STING1: variants seen among roughly 807,000 people sequenced by gnomAD.
STING1 encodes stimulator of interferon response cGAMP interactor 1.
A neutral mutation model predicts 31.6 loss-of-function variants in STING1; 19 were observed. That is an observed-to-expected ratio of 0.60 (90% CI 0.42 to 0.88). The LOEUF is 0.88. STING1 is among the 40% of genes least tolerant of loss of function. STING1 has a pLI of 0.00. For missense variants in STING1, 371 were observed against 483.7 expected (o/e 0.77, Z 2.19); for synonymous variants, 200 against 208.6 (o/e 0.96, Z 0.35).
At chr5:139,477,840 A>C (rs1267798706) in intron 6 of STING1, among the ~76,000 whole-genome samples, 1 of 152,046 alleles carries the variant, frequency 6.6e-6, no homozygotes, top group Non-Finnish European at 1.5e-5. Flanking sequence ...TCTGGGTTCA[A>C]CTCTGGTCTG....
Position 139,478,492 on chromosome 5 carries a change from A to C in STING1, c.537T>G (p.Ile179Met). ...TGTTGTAATGCTGATTGTAAGTTCGAATCCGGGCCTGGAGCTCTGAGGCAG... is the reference window on the plus strand; with the variant it reads ...TGTTGTAATGCTGATTGTAAGTTCGCATCCGGGCCTGGAGCTCTGAGGCAG... ...RLILPELQAR[I>M]RTYNQHYNNL... Residue 179 changes from isoleucine (I) to methionine (M), a missense_variant, in exon 6 of 8, where the codon ATT becomes ATG. Coordinates refer to ENST00000330794, the MANE Select transcript of STING1 (RefSeq NM_198282.4). The C allele has an allele frequency of 6.2e-7, 1 of 1,614,032 alleles. No homozygotes were observed. Among genetic ancestry groups the C allele is most frequent in the Non-Finnish European group, 8.5e-7 (1 of 1,179,984 alleles).
chr5:139,477,672 T>C (rs1053911594), intron 6 of STING1, among the ~76,000 whole-genome samples, 157 bp from the exon 7 acceptor site: 1 of 151,902 alleles, frequency 6.6e-6, no homozygotes, highest in Non-Finnish European at 1.5e-5. Context: ...CCTAATGGGG[T>C]CTATGCTGTC....
At chr5:139,479,552 A>G (rs1751772920) in intron 5 of STING1, among the ~76,000 whole-genome samples, 1 of 151,108 alleles carries the variant, frequency 6.6e-6, no homozygotes. Context: ...AAATACAAAA[A>G]TTAGCCGGGC....
In STING1 at chr5:139,476,375, A is replaced by AGTAACCTCTTCCTTTTCCTCCTGCCGCAG. The variant is rs1751659956; in HGVS notation, c.997_1025dup (p.Val343CysfsTer14). ...CCGCTGAGGTCTTCAAGCTGCCCAC[A>AGTAACCTCTTCCTTTTCCTCCTGCCGCAG]GTAACCTCTTCCTTTTCCTCCTGCC... On this transcript the variant is annotated frameshift_variant, in exon 8 of 8. Transcript: ENST00000330794. LOFTEE classifies it low-confidence loss of function (END_TRUNC). The AGTAACCTCTTCCTTTTCCTCCTGCCGCAG allele has an allele frequency of 3.1e-6, 5 of 1,612,658 alleles. No individual in the cohort carries two copies. Among genetic ancestry groups the AGTAACCTCTTCCTTTTCCTCCTGCCGCAG allele is most frequent in the Non-Finnish European group, 4.2e-6 (5 of 1,180,020 alleles).
intron 6 of STING1, 80 bp from the exon 7 acceptor site, chr5:139,477,595 C>A: frequency 1.4e-6 from 2 of 1,433,202 alleles, no homozygotes; most frequent in South Asian, 1.3e-5. Context: ...AGGCTCTGGC[C>A]CCCAGTGCCA....
intron 7 of STING1, among the ~76,000 whole-genome samples, chr5:139,476,774 G>A (rs977215697): frequency 6.6e-6 from 1 of 151,866 alleles, no homozygotes; most frequent in African/African-American, 2.4e-5. Flanking sequence ...GCATGGTGGC[G>A]GGCGCCTGTA....
Position 139,481,549 on chromosome 5 carries a change from G to A in STING1, c.156C>T (p.Ala52=). ...TTAACAGCAGTCCCAGCTGCAGGGA[G>A]GCTAGGTGGAGCACCAGGTACCGGA... ...HTLRYLVLHL[A]SLQLGLLLNG... is the part of the protein sequence containing the mutation. Residue 52 remains alanine (A), a synonymous_variant, in exon 3 of 8, where the codon GCC becomes GCT. Transcript: ENST00000330794. This position sits in a 1 kb window ranked among gnomAD's most constrained non-coding sequence, Gnocchi z 4.1. 1 of 1,613,972 alleles carries A rather than the reference G, an allele frequency of 6.2e-7. No homozygotes were observed. The highest frequency in any genetic ancestry group is 8.5e-7 in the Non-Finnish European group (1 of 1,179,992).
chr5:139,476,252 C>T lies in STING1; in HGVS notation c.*9G>A, dbSNP rs1390647611. The T allele has an allele frequency of 1.3e-6, 2 of 1,564,424 alleles. No homozygotes were observed. Among genetic ancestry groups the T allele is most frequent in the Non-Finnish European group, 1.7e-6 (2 of 1,155,060 alleles). On this transcript the variant is annotated 3_prime_UTR_variant, in exon 8 of 8. Transcript: ENST00000330794. ...ACCACTGGAGGCTCTGGCCTGGTGACCCTGGGTCTCAAGAGAAATCCGTGC... is the reference window on the plus strand; with the variant it reads ...ACCACTGGAGGCTCTGGCCTGGTGATCCTGGGTCTCAAGAGAAATCCGTGC...
rs1581450494 is a variant in STING1 at position 139,478,427 on chromosome 5, A to G, written c.602T>C (p.Leu201Pro). ...RGAVSQRLYI[L>P]LPLDCGVPDN... Reference sequence around the variant, plus strand: ...AGGCACCCCACAGTCCAATGGGAGGAGAATATACAGCCGCTGGCTCACTGC... The same window carrying G: ...AGGCACCCCACAGTCCAATGGGAGGGGAATATACAGCCGCTGGCTCACTGC... The change falls in exon 6 of 8, where the codon CTC becomes CCC. Residue 201 changes from leucine to proline, a missense_variant. Coordinates refer to ENST00000330794, the MANE Select transcript of STING1 (RefSeq NM_198282.4). 2 of 1,614,134 alleles carry G rather than the reference A, an allele frequency of 1.2e-6. No individual in the cohort carries two copies. Among genetic ancestry groups the G allele is most frequent in the Non-Finnish European group, 1.7e-6 (2 of 1,180,020 alleles).
rs570299729 is a variant in STING1 at position 139,481,815 on chromosome 5, C to T, written c.1-111G>A. 1.1e-6 allele frequency: 1 copy of T among 890,022 alleles called. No individual in the cohort carries two copies. Among genetic ancestry groups the T allele is most frequent in the South Asian group, 1.7e-5 (1 of 58,712 alleles). The allele number at this position is 890,022 out of a possible 1,614,324, so 55.1% of individuals were successfully genotyped here. On this transcript the variant is annotated intron_variant, in intron 2 of 7. Coordinates refer to ENST00000330794, the MANE Select transcript of STING1 (RefSeq NM_198282.4). This position sits in a 1 kb window ranked among gnomAD's most constrained non-coding sequence, Gnocchi z 4.1. ...AGTTCCCCTTTCCCTGGTGCCCAGC[C>T]ACTCCCAGAGGCTGCTCTTAGAGAC...
rs7380824 is a variant in STING1 at position 139,477,397 on chromosome 5, C to T, written c.878G>A (p.Arg293Gln). The change falls in exon 7 of 8, where the codon CGG (arginine) becomes CAG (glutamine). Residue 293 changes from arginine (R) to glutamine (Q), a missense_variant. Transcript: ENST00000330794. ...ATCTGCCAGGATGTCCTCAAGTGTCCGGCAGAAGAGTTTGGCCTGCTCAAG... is the reference window on the plus strand; with the variant it reads ...ATCTGCCAGGATGTCCTCAAGTGTCTGGCAGAAGAGTTTGGCCTGCTCAAG... ...DRLEQAKLFC[R>Q]TLEDILADAP... 0.16 allele frequency: 262,789 copies of T among 1,613,894 alleles called. 25,689 individuals carry two copies. Among genetic ancestry groups the T allele is most frequent in the East Asian group, 0.43 (19,335 of 44,856 alleles).
In STING1 at chr5:139,481,522, G is replaced by A. The variant is rs774866091; in HGVS notation, c.183C>T (p.Asn61=). The A allele has an allele frequency of 2.9e-5, 47 of 1,613,822 alleles. No homozygotes were observed. Among genetic ancestry groups the A allele is most frequent in the Non-Finnish European group, 3.7e-5 (44 of 1,180,004 alleles). Residue 61 remains asparagine, a synonymous_variant, in exon 3 of 8, where the codon AAC becomes AAT. Coordinates refer to ENST00000330794, the MANE Select transcript of STING1 (RefSeq NM_198282.4). This position sits in a 1 kb window ranked among gnomAD's most constrained non-coding sequence, Gnocchi z 4.1. ...GCTCCTCAGCCAGGCTGCAGACCCCGTTTAACAGCAGTCCCAGCTGCAGGG... is the reference window on the plus strand; with the variant it reads ...GCTCCTCAGCCAGGCTGCAGACCCCATTTAACAGCAGTCCCAGCTGCAGGG... ...LASLQLGLLL[N]GVCSLAEELR... is the part of the protein sequence containing the mutation.
At chr5:139,478,539 T>C in intron 5 of STING1, 31 bp from the exon 6 acceptor site, 1 of 1,592,684 alleles carries the variant, frequency 6.3e-7, no homozygotes, top group Non-Finnish European at 8.6e-7. Flanking sequence ...AAGTTATTCC[T>C]GCTAACCCTA....
At position 139,481,136 on chromosome 5, in the gene STING1, T is replaced by C; in HGVS notation, c.411+23A>G. 6.2e-7 allele frequency: 1 copy of C among 1,613,202 alleles called. No individual in the cohort carries two copies. Among genetic ancestry groups the C allele is most frequent in the Non-Finnish European group, 8.5e-7 (1 of 1,179,416 alleles). On this transcript the variant is annotated intron_variant, in intron 4 of 7. Transcript: ENST00000330794. The surrounding 1 kb of genome is among the most constrained non-coding windows in gnomAD (Gnocchi z 4.1). ...GCCACAGCCACCACTTGGCCAGAGC[T>C]TCTACCTCCCCCTGTGTCATACCTT...
intron 7 of STING1, among the ~76,000 whole-genome samples, chr5:139,476,691 G>A (rs545768196): frequency 6.6e-6 from 1 of 152,182 alleles, no homozygotes; most frequent in Non-Finnish European, 1.5e-5. Context: ...TAGATCATGA[G>A]GTCAGGAATT....
rs750836565 is a variant in STING1, at chr5:139,476,397, T to C, written c.1004A>G (p.Gln335Arg). ...CACAGTAACCTCTTCCTTTTCCTCCTGCCGCAGGTGCCGGAGAACCTCCTG... is the reference window on the plus strand; with the variant it reads ...CACAGTAACCTCTTCCTTTTCCTCCCGCCGCAGGTGCCGGAGAACCTCCTG... The part of the protein sequence containing the change: ...LSQEVLRHLR[Q>R]EEKEEVTVGS... Residue 335 changes from glutamine (Q) to arginine (R), a missense_variant, in exon 8 of 8, where the codon CAG becomes CGG. Transcript: ENST00000330794. 1 of 1,612,558 alleles carries C rather than the reference T, an allele frequency of 6.2e-7. No homozygotes were observed.
chr5:139,482,449 T>C (rs1751887452), intron 1 of STING1, 101 bp downstream of exon 1: 1 of 152,230 alleles, frequency 6.6e-6, no homozygotes, highest in Non-Finnish European at 1.5e-5. Flanking sequence ...AAAGCCCTGA[T>C]GAGCTGGGCC....
At chr5:139,480,951 C>T in intron 4 of STING1, 53 bp from the exon 5 acceptor site, 3 of 1,337,878 alleles carry the variant, frequency 2.2e-6, no homozygotes, top group Non-Finnish European at 3.2e-6. Context: ...ACCCAGAGAA[C>T]TCCTCCTCCT....
intron 7 of STING1, 99 bp from the exon 8 acceptor site, chr5:139,476,553 A>AC: frequency 1.8e-6 from 2 of 1,099,852 alleles, no homozygotes; most frequent in Non-Finnish European, 2.6e-6. Flanking sequence ...AACCCTCCCT[A>AC]CCCCCCTTCC....
Sources: allele counts gnomAD v4.1 joint callset (sites outside exome capture counted in the v4.1 genomes callset), GRCh38; gene constraint gnomAD v4.1.1; non-coding constraint Gnocchi (gnomAD v3.1); transcripts MANE v1.5; gene names NCBI Gene and HGNC (gene_info 2026-07-23, HGNC 2026-07-21).